The following PLD6 variants were observed in gnomAD, a reference collection of about 807,000 sequenced individuals.
The protein encoded by PLD6 is mitochondrial cardiolipin hydrolase.
In PLD6, 10 loss-of-function variants were observed where a neutral mutation model predicts 9.7. The ratio of observed to expected loss-of-function variants is 1.03; its 90% CI spans 0.64 to 1.75. The LOEUF is 1.75. Among genes scored for constraint, PLD6 ranks in the 40% most tolerant of loss-of-function variants. The pLI is 0.00. For synonymous variants in PLD6, 152 were observed against 159.2 expected, an observed-to-expected ratio of 0.96 and a Z score of 0.34; for missense variants, 334 against 347.6, an observed-to-expected ratio of 0.96 and a Z score of 0.31.
chr17:17,203,166 G>A, intron 1 of PLD6, 68 bp from the exon 2 acceptor site: 2 of 1,471,910 alleles, frequency 1.4e-6, no homozygotes. Context: ...TGTTCCTGGG[G>A]GCTACTGGCT....
rs2046687572 is a variant in PLD6, at chr17:17,202,993, G to A, written c.533C>T (p.Ala178Val). 2 of 1,614,212 alleles carry A rather than the reference G, an allele frequency of 1.2e-6. No homozygotes were observed. Among genetic ancestry groups the A allele is most frequent in the Non-Finnish European group, 1.7e-6 (2 of 1,180,046 alleles). ...AACATTCTCCCTGTTGTTCTGGATG[G>A]CTTGCGTGGTCCAGTTGAGCGAGCC... ...ITGSLNWTTQAIQNNRENVLI... is the reference protein window; with the variant it reads ...ITGSLNWTTQVIQNNRENVLI... The change falls in exon 2 of 2, where the codon GCC becomes GTC. Residue 178 changes from alanine (A) to valine (V), a missense_variant. Physicochemically the swap from Ala to Val is moderately conservative, Grantham distance 64. Transcript: ENST00000321560.
rs1193933561 is a variant in PLD6, at chr17:17,202,945, T to C, written c.581A>G (p.Tyr194Cys). 4 of 1,614,118 alleles carry C rather than the reference T, an allele frequency of 2.5e-6. No individual in the cohort carries two copies. The Admixed American group carries it at 6.7e-5, about 27-fold the overall frequency. ...AAATTCTTCCAGAAAAAGCCGCACG[T>C]ACTCGTCGTCCTCCGTGATGAGAAC... is the stretch of plus-strand genomic sequence containing the variant. Reference protein sequence around the residue: ...ENVLITEDDEYVRLFLEEFER... With the variant: ...ENVLITEDDECVRLFLEEFER... The change falls in exon 2 of 2, where the codon TAC becomes TGC. Residue 194 changes from tyrosine (Y) to cysteine (C), a missense_variant. Transcript: ENST00000321560.
chr17:17,203,131 C>A (rs964612186), intron 1 of PLD6, 33 bp from the exon 2 acceptor site: 2 of 1,593,776 alleles, frequency 1.3e-6, no homozygotes, highest in Non-Finnish European at 1.7e-6. Flanking sequence ...TCATTCCATG[C>A]AGGAGTCCCG....
At chr17:17,203,157 G>A in intron 1 of PLD6, 59 bp from the exon 2 acceptor site, 1 of 1,500,864 alleles carries the variant, frequency 6.7e-7, no homozygotes, top group Non-Finnish European at 9.1e-7. Context: ...AGTGTGGACT[G>A]TTCCTGGGGG....
intron 1 of PLD6, 43 bp from the exon 2 acceptor site, chr17:17,203,141 G>A (rs373078017): frequency 2.1e-5 from 33 of 1,574,320 alleles, no homozygotes; most frequent in African/African-American, 2.7e-5. Flanking sequence ...CAGGAGTCCC[G>A]CCCCCAGTGT....
chr17:17,205,367 G>A (rs1278222208), intron 1 of PLD6, among the ~76,000 whole-genome samples: 1 of 152,166 alleles, frequency 6.6e-6, no homozygotes, highest in Non-Finnish European at 1.5e-5. Context: ...GCAGCAGGTG[G>A]CCGCCTCTCC....
intron 1 of PLD6, among the ~76,000 whole-genome samples, chr17:17,204,779 G>A (rs982769908): frequency 1.3e-5 from 2 of 151,352 alleles, no homozygotes; most frequent in Admixed American, 6.6e-5. Flanking sequence ...GCCCCAAAGA[G>A]AAGGAGACAT....
intron 1 of PLD6, 38 bp downstream of exon 1, chr17:17,205,822 C>G (rs909580479): frequency 1.7e-5 from 27 of 1,544,108 alleles, no homozygotes; most frequent in Admixed American, 3.9e-5. Flanking sequence ...CCGCGTGGGC[C>G]AAGCCGGCCT....
intron 1 of PLD6, among the ~76,000 whole-genome samples, chr17:17,203,328 C>G (rs2046690721): frequency 6.6e-6 from 1 of 152,200 alleles, no homozygotes; most frequent in South Asian, 2.1e-4. Flanking sequence ...GGGGACTGGG[C>G]AGGCCGTGGT....
Position 17,201,463 on chromosome 17 carries a change from GAC to G in PLD6, c.*1302_*1303del, listed in dbSNP as rs1202450702. Reference sequence around the variant, plus strand: ...TAACCTGGAACATTTCACAGTGTACGACACCTGTTCTACCTGGGAATGCAAAC... The same window carrying G: ...TAACCTGGAACATTTCACAGTGTACGACCTGTTCTACCTGGGAATGCAAAC... On this transcript the variant is annotated 3_prime_UTR_variant, in exon 2 of 2. Coordinates refer to ENST00000321560, the MANE Select transcript of PLD6 (RefSeq NM_178836.4). 6.6e-6 allele frequency: 1 copy of G among 152,192 alleles called. No individual in the cohort carries two copies. The highest frequency in any genetic ancestry group is 2.4e-5 in the African/African-American group (1 of 41,426). 9.4% of individuals were successfully genotyped at this position (152,192 alleles called of 1,614,324 possible).
intron 1 of PLD6, 87 bp from the exon 2 acceptor site, chr17:17,203,185 T>G (rs540237848): frequency 7.3e-7 from 1 of 1,370,688 alleles, no homozygotes; most frequent in South Asian, 1.4e-5. Context: ...CTTTACTATA[T>G]GTTTCCAGTT....
Position 17,206,184 on chromosome 17 carries a change from G to A in PLD6, c.103C>T (p.Arg35Trp), listed in dbSNP as rs1443621857. ...WVLRWLRSRR[R>W]RPRREALFFP... ...AACAGCGCCTCGCGCCGCGGCCGCC[G>A]CCGCCTGGACCGCAGCCAGCGCAGC... The change falls in exon 1 of 2, where the codon CGG becomes TGG. Residue 35 changes from arginine to tryptophan, a missense_variant. Arg to Trp is a moderately radical substitution (Grantham distance 101, BLOSUM62 -3). Transcript: ENST00000321560. 1.3e-6 allele frequency: 2 copies of A among 1,513,094 alleles called. No individual in the cohort carries two copies. Among genetic ancestry groups the A allele is most frequent in the Admixed American group, 2.1e-5 (1 of 47,916 alleles). 93.7% of individuals were successfully genotyped at this position (1,513,094 alleles called of 1,614,324 possible). A position where few individuals can be genotyped will look rare whatever the true frequency, so the allele number is the denominator to read the frequency against.
rs771482296 is a variant in PLD6, at chr17:17,205,843, G to C, written c.427+17C>G. 6.4e-7 allele frequency: 1 copy of C among 1,553,612 alleles called. No homozygotes were observed. Among genetic ancestry groups the C allele is most frequent in the African/African-American group, 1.4e-5 (1 of 73,436 alleles). On this transcript the variant is annotated intron_variant, in intron 1 of 1. Coordinates refer to ENST00000321560, the MANE Select transcript of PLD6 (RefSeq NM_178836.4). ...GGGCCAAGCCGGCCTTCTCCGCTTG[G>C]ACCCCGCCGGGCCTACCTGCCTTGC...
rs770663548 is a variant in PLD6, at chr17:17,205,815, C to T, written c.427+45G>A. On this transcript the variant is annotated intron_variant, in intron 1 of 1. Transcript: ENST00000321560. The stretch of plus-strand genomic sequence containing the variant: ...GTCCACCTTTGCGCCTAGGACCCCG[C>T]GTGGGCCAAGCCGGCCTTCTCCGCT... The T allele has an allele frequency of 1.6e-5, 25 of 1,540,466 alleles. No individual in the cohort carries two copies. In the Admixed American group the frequency reaches 4.5e-4, roughly 28 times the overall value.
chr17:17,206,017 G>A lies in PLD6; in HGVS notation c.270C>T (p.Ala90=). 6.5e-7 allele frequency: 1 copy of A among 1,544,010 alleles called. No individual in the cohort carries two copies. Among genetic ancestry groups the A allele is most frequent in the Non-Finnish European group, 8.7e-7 (1 of 1,148,218 alleles). ...ACAGGCAGAGATCCAGGCTGGCGCG[G>A]GCGGCCAGCAGGGCACGCAGCAGGC... is the stretch of plus-strand genomic sequence containing the variant. The part of the protein sequence containing the change: ...LSRLLRALLA[A]RASLDLCLFA... Residue 90 remains alanine (A), a synonymous_variant, in exon 1 of 2, where the codon GCC becomes GCT. Coordinates refer to ENST00000321560, the MANE Select transcript of PLD6 (RefSeq NM_178836.4).
chr17:17,203,148 G>C (rs777649728), intron 1 of PLD6, 50 bp from the exon 2 acceptor site: 2 of 1,558,406 alleles, frequency 1.3e-6, no homozygotes, highest in African/African-American at 1.4e-5. Context: ...CCCGCCCCCA[G>C]TGTGGACTGT....
At chr17:17,203,450 CGT>C (rs1337474795) in intron 1 of PLD6, among the ~76,000 whole-genome samples, 1 of 152,196 alleles carries the variant, frequency 6.6e-6, no homozygotes, top group Non-Finnish European at 1.5e-5. Context: ...GCAAAGACAG[CGT>C]GTGAGCCTTC....
chr17:17,206,062 G>C lies in PLD6; in HGVS notation c.225C>G (p.His75Gln). Residue 75 changes from histidine to glutamine, a missense_variant, in exon 1 of 2, where the codon CAC becomes CAG. His to Gln is a conservative substitution (Grantham distance 24, BLOSUM62 0). Transcript: ENST00000321560. ...LPEGCPCGLP[H>Q]GESALSRLLR... ...GCAGGCGGCTTAGCGCGCTCTCGCCGTGGGGCAGGCCGCACGGGCAGCCCT... is the reference window on the plus strand; with the variant it reads ...GCAGGCGGCTTAGCGCGCTCTCGCCCTGGGGCAGGCCGCACGGGCAGCCCT... 1.3e-6 allele frequency: 2 copies of C among 1,521,838 alleles called. No individual in the cohort carries two copies. The highest frequency in any genetic ancestry group is 2.4e-5 in the South Asian group (2 of 82,488). The allele number at this position is 1,521,838 out of a possible 1,614,324, so 94.3% of individuals were successfully genotyped here.
rs2144777029 is a variant in PLD6 at position 17,201,771 on chromosome 17, G to A, written c.*996C>T. On this transcript the variant is annotated 3_prime_UTR_variant, in exon 2 of 2. Transcript: ENST00000321560. ...GGAAGTGGTGGATCACTTGAGGTCA[G>A]GAGTTTGAGACCAGCCTAACCAACA... 6.6e-6 allele frequency: 1 copy of A among 152,270 alleles called. No individual in the cohort carries two copies. Among genetic ancestry groups the A allele is most frequent in the East Asian group, 1.9e-4 (1 of 5,174 alleles). 9.4% of individuals were successfully genotyped at this position (152,270 alleles called of 1,614,324 possible). A position where few individuals can be genotyped will look rare whatever the true frequency, so the allele number is the denominator to read the frequency against.
Sources: gnomAD v4.1 joint callset for allele counts (sites outside exome capture counted in the v4.1 genomes callset) on GRCh38, gnomAD v4.1.1 for gene constraint, MANE v1.5 for transcripts, NCBI Gene and HGNC (gene_info 2026-07-23, HGNC 2026-07-21) for gene names.